Variants in APBB2 observed in about 807,000 individuals in gnomAD.
APBB2 encodes the protein Fe65-like 1.
Under a neutral mutation model 82.5 loss-of-function variants are expected in APBB2, and 38 were observed. That is an observed-to-expected ratio of 0.46 (90% confidence interval 0.36 to 0.60). The LOEUF (loss-of-function observed/expected upper bound fraction) is 0.60, where lower values mean the gene tolerates loss of function less well. Among genes scored for constraint, APBB2 ranks in the 20% least tolerant of loss-of-function variants. The pLI is 0.00. For missense variants in APBB2, 772 were observed against 972.3 expected (o/e 0.79, Z 2.74); for synonymous variants, 341 against 368.2 (o/e 0.93, Z 0.85).
chr4:41,017,777 C>T (rs539021880), intron 5 of APBB2, among the ~76,000 whole-genome samples: 1 of 152,092 alleles, frequency 6.6e-6, no homozygotes, highest in South Asian at 2.1e-4. Flanking sequence ...TGCAGAGACA[C>T]ACAGAGAGGA....
chr4:40,907,375 ATATAT>A lies in APBB2; in HGVS notation c.1255-13969_1255-13965del, dbSNP rs1225159147. ...TATATATATATATATATATATATATATATATTTTTTTTTTTTTTTTTTTTTAGACA... is the reference window on the plus strand; with the variant it reads ...TATATATATATATATATATATATATATTTTTTTTTTTTTTTTTTTTAGACA... On this transcript the variant is annotated intron_variant, in intron 10 of 17. Transcript: ENST00000508593. Among the ~76,000 whole-genome samples the A allele has an allele frequency of 6.2e-4, 20 of 32,512 alleles. No homozygotes were observed. In the East Asian group the frequency reaches 8.1e-3, roughly 13 times the overall value. 21.3% of individuals were successfully genotyped at this position (32,512 alleles called of 152,430 possible). A position where few individuals can be genotyped will look rare whatever the true frequency, so the allele number is the denominator to read the frequency against.
At chr4:41,138,861 C>T (rs1335285015) in intron 2 of APBB2, among the ~76,000 whole-genome samples, 3 of 152,158 alleles carry the variant, frequency 2.0e-5, no homozygotes, top group Non-Finnish European at 4.4e-5. Context: ...AAAAAACTAT[C>T]AGTACTGATA....
chr4:40,969,061 G>A (rs375666383), intron 6 of APBB2, among the ~76,000 whole-genome samples: 1 of 152,194 alleles, frequency 6.6e-6, no homozygotes, highest in South Asian at 2.1e-4. Flanking sequence ...TGATTGTGAG[G>A]CCTCCCCAGC....
At chr4:40,875,555 G>A (rs372184915) in intron 12 of APBB2, among the ~76,000 whole-genome samples, 9 of 152,238 alleles carry the variant, frequency 5.9e-5, no homozygotes, top group African/African-American at 2.2e-4. Context: ...AAATTGTTAT[G>A]AGACATTTTA....
rs1247763714 is a variant in APBB2, at chr4:41,113,350, A to G, written c.-260-12600T>C. Among the ~76,000 whole-genome samples, 4 of 152,164 alleles carry G rather than the reference A, an allele frequency of 2.6e-5. No individual in the cohort carries two copies. In the East Asian group the frequency reaches 7.7e-4, roughly 29 times the overall value. ...TGTTCCAAATCCTAAAAATCTCAAT[A>G]TCATAGCTGGAATTTTAGATTTAAA... On this transcript the variant is annotated intron_variant, in intron 2 of 17. Coordinates refer to ENST00000508593, the MANE Select transcript of APBB2 (RefSeq NM_004307.2).
In APBB2 at chr4:40,815,969, A is replaced by T; in HGVS notation, c.*123T>A. On this transcript the variant is annotated 3_prime_UTR_variant, in exon 18 of 18. Transcript: ENST00000508593. ...CATGCTTGTCTAACACTGCTTGGTT[A>T]AGGGTAAATTCTCTGAAGACAAAGC... The T allele has an allele frequency of 9.3e-7, 1 of 1,080,904 alleles. No homozygotes were observed. The highest frequency in any genetic ancestry group is 1.4e-6 in the Non-Finnish European group (1 of 733,610). 67.0% of individuals were successfully genotyped at this position (1,080,904 alleles called of 1,614,324 possible).
chr4:40,948,099 A>G (rs1201711478), intron 6 of APBB2, among the ~76,000 whole-genome samples: 1 of 152,232 alleles, frequency 6.6e-6, no homozygotes, highest in Admixed American at 6.5e-5. Flanking sequence ...ATAAAAAAAA[A>G]TATAATACAA....
chr4:41,092,807 C>A (rs1177911543), intron 3 of APBB2, among the ~76,000 whole-genome samples: 2 of 152,072 alleles, frequency 1.3e-5, no homozygotes, highest in Non-Finnish European at 2.9e-5. Context: ...CTCTGTTCAA[C>A]TTTAAATTCA....
chr4:41,170,290 CTTA>C (rs1767900143), intron 1 of APBB2, among the ~76,000 whole-genome samples: 2 of 152,146 alleles, frequency 1.3e-5, no homozygotes, highest in Admixed American at 1.3e-4. Context: ...GGAGGGCAAT[CTTA>C]TTATAGCCAT....
chr4:40,951,609 G>A (rs1790186576), intron 6 of APBB2, among the ~76,000 whole-genome samples: 1 of 152,232 alleles, frequency 6.6e-6, no homozygotes, highest in Non-Finnish European at 1.5e-5. Context: ...CCTTGGACAA[G>A]TTCCTCAACC....
chr4:40,874,833 T>G (rs1435581094), intron 12 of APBB2, among the ~76,000 whole-genome samples: 1 of 152,186 alleles, frequency 6.6e-6, no homozygotes, highest in Non-Finnish European at 1.5e-5. Context: ...TAAACACCAG[T>G]TACTAAGCTG....
At chr4:41,044,743 C>G (rs1722781671) in intron 4 of APBB2, among the ~76,000 whole-genome samples, 1 of 152,064 alleles carries the variant, frequency 6.6e-6, no homozygotes, top group Non-Finnish European at 1.5e-5. Flanking sequence ...CCTTTTTTGT[C>G]TAGATGCCCA....
chr4:41,064,104 G>A (rs576066230), intron 4 of APBB2, among the ~76,000 whole-genome samples: 2 of 151,592 alleles, frequency 1.3e-5, no homozygotes, highest in Non-Finnish European at 2.9e-5. Flanking sequence ...TCAGCCTCCC[G>A]AGTAGCTGGG....
At chr4:41,167,237 A>G (rs79112362) in intron 1 of APBB2, among the ~76,000 whole-genome samples, 7,749 of 152,272 alleles carry the variant, frequency 0.051, 280 homozygotes, top group Non-Finnish European at 0.073. Context: ...GTGCTCACCA[A>G]CCCAGAAGCT....
At chr4:41,001,803 G>A (rs1215707891) in intron 6 of APBB2, among the ~76,000 whole-genome samples, 6 of 151,980 alleles carry the variant, frequency 3.9e-5, no homozygotes, top group South Asian at 4.2e-4. Flanking sequence ...GCTTGAACCC[G>A]GGAGGCAGAG....
intron 6 of APBB2, among the ~76,000 whole-genome samples, chr4:40,996,107 T>C (rs756537871): frequency 1.3e-5 from 2 of 152,238 alleles, no homozygotes; most frequent in Non-Finnish European, 2.9e-5. Flanking sequence ...TCAAGCATGC[T>C]TGTCTTTCTA....
intron 10 of APBB2, among the ~76,000 whole-genome samples, chr4:40,924,707 G>A (rs1782167138): frequency 6.6e-6 from 1 of 152,236 alleles, no homozygotes; most frequent in African/African-American, 2.4e-5. Context: ...CCGCCCCCAT[G>A]TGGATCAGGC....
At chr4:40,835,377 C>G (rs1313535057) in intron 12 of APBB2, among the ~76,000 whole-genome samples, 1 of 152,114 alleles carries the variant, frequency 6.6e-6, no homozygotes, top group African/African-American at 2.4e-5. Flanking sequence ...AAGGTTCCAG[C>G]CTTGCAAGCC....
chr4:41,129,410 GTCA>G (rs1022227983), intron 2 of APBB2, among the ~76,000 whole-genome samples: 36 of 152,130 alleles, frequency 2.4e-4, no homozygotes, highest in Admixed American at 2.3e-3. Flanking sequence ...TCCCTGAAAT[GTCA>G]TCACCTCTCC....
Sources: allele counts gnomAD v4.1 joint callset (sites outside exome capture counted in the v4.1 genomes callset), GRCh38; gene constraint gnomAD v4.1.1; transcripts MANE v1.5; gene names NCBI Gene and HGNC (gene_info 2026-07-23, HGNC 2026-07-21).